ECE1: variants seen among roughly 807,000 people sequenced by gnomAD.
ECE1 encodes the protein endothelin converting enzyme 1.
Under a neutral mutation model 98.6 loss-of-function variants are expected in ECE1, and 35 were observed. That is an observed-to-expected ratio of 0.35 (90% confidence interval 0.27 to 0.47). ECE1 has a LOEUF of 0.47. Ranked by LOEUF, ECE1 falls within the 20% of genes least tolerant of loss-of-function variation. The pLI is 1.00. For missense variants in ECE1, 814 were observed against 1,025.3 expected (o/e 0.79, Z 2.81); for synonymous variants, 394 against 407.1 (o/e 0.97, Z 0.39).
At chr1:21,316,078 G>C (rs1638826703) in intron 1 of ECE1, among the ~76,000 whole-genome samples, 1 of 152,164 alleles carries the variant, frequency 6.6e-6, no homozygotes, top group Non-Finnish European at 1.5e-5. Context: ...CTCTTGTCTA[G>C]GGAACAGATT....
chr1:21,257,452 C>G (rs2098221252), intron 7 of ECE1, 73 bp downstream of exon 7: 2 of 1,544,870 alleles, frequency 1.3e-6, no homozygotes, highest in Non-Finnish European at 1.8e-6. Context: ...AAGACCTGCA[C>G]AGGTGTGGGT....
chr1:21,328,764 G>GA (rs35883969), intron 1 of ECE1, among the ~76,000 whole-genome samples: 2,964 of 49,756 alleles, frequency 0.06, 179 homozygotes, highest in African/African-American at 0.12. Context: ...CCTCCATCTC[G>GA]AAAAAAAAAA....
chr1:21,315,816 G>A (rs1387087808), intron 1 of ECE1, among the ~76,000 whole-genome samples: 5 of 149,310 alleles, frequency 3.3e-5, no homozygotes, highest in African/African-American at 1.2e-4. Flanking sequence ...AAAAAAAGCT[G>A]GCCCTATTTT....
At chr1:21,247,561 C>T (rs990350244) in intron 8 of ECE1, among the ~76,000 whole-genome samples, 198 bp from the exon 9 acceptor site, 2 of 152,172 alleles carry the variant, frequency 1.3e-5, no homozygotes, top group African/African-American at 4.8e-5. Flanking sequence ...GAGTCCAACA[C>T]CAAAATTTAA....
intron 2 of ECE1, among the ~76,000 whole-genome samples, chr1:21,283,141 C>T (rs1384778105): frequency 6.6e-6 from 1 of 151,994 alleles, no homozygotes; most frequent in East Asian, 1.9e-4. Flanking sequence ...TGGGGTTTCA[C>T]CGTGTTAGCC....
At position 21,287,877 on chromosome 1, in the gene ECE1, T is replaced by C. The variant is rs28367926; in HGVS notation, c.138+2193A>G. Among the ~76,000 whole-genome samples the C allele has an allele frequency of 8.1e-3, 1,226 of 152,268 alleles. 4 individuals carry two copies. Among genetic ancestry groups the C allele is most frequent in the Middle Eastern group, 0.017 (5 of 294 alleles). Reference sequence around the variant, plus strand: ...AAACCGTTATCTCCAAGTGGCAGGATTACTGCTCCGTTTTTAATTCCTTTT... The same window carrying C: ...AAACCGTTATCTCCAAGTGGCAGGACTACTGCTCCGTTTTTAATTCCTTTT... On this transcript the variant is annotated intron_variant, in intron 2 of 18. Coordinates refer to ENST00000374893, the MANE Select transcript of ECE1 (RefSeq NM_001397.3).
intron 10 of ECE1, among the ~76,000 whole-genome samples, chr1:21,238,805 G>T (rs1558377260): frequency 1.3e-5 from 2 of 151,994 alleles, no homozygotes. Context: ...CAACACCGCA[G>T]GACTTTTTTC....
intron 7 of ECE1, among the ~76,000 whole-genome samples, chr1:21,257,113 CA>C (rs2098220860): frequency 6.6e-6 from 1 of 152,146 alleles, no homozygotes; most frequent in South Asian, 2.1e-4. Context: ...TGACCTTGAG[CA>C]GATCACTTAG....
intron 1 of ECE1, among the ~76,000 whole-genome samples, chr1:21,323,811 TTTTC>T (rs1276735378): frequency 7.1e-6 from 1 of 141,792 alleles, no homozygotes; most frequent in African/African-American, 2.7e-5. Flanking sequence ...ATGGGGGCAA[TTTTC>T]TTTCTTTTTT....
intron 17 of ECE1, among the ~76,000 whole-genome samples, chr1:21,222,575 T>C (rs1250753819): frequency 6.6e-6 from 1 of 152,132 alleles, no homozygotes; most frequent in East Asian, 1.9e-4. Context: ...GTGCGATGAC[T>C]GACACCTGTA....
intron 8 of ECE1, among the ~76,000 whole-genome samples, chr1:21,247,731 A>G (rs1329831176): frequency 6.6e-6 from 1 of 152,176 alleles, no homozygotes; most frequent in East Asian, 1.9e-4. Context: ...TCCCTGCTTC[A>G]TGGATGAGGA....
chr1:21,243,316 G>A lies in ECE1; in HGVS notation c.1278+1673C>T, dbSNP rs916692015. On this transcript the variant is annotated intron_variant, in intron 10 of 18. Transcript: ENST00000374893. Reference sequence around the variant, plus strand: ...ATTATGTAAGTGAGTAGCTGAAAGTGCCTCAAAGTTGTAAATATCAGATCT... The same window carrying A: ...ATTATGTAAGTGAGTAGCTGAAAGTACCTCAAAGTTGTAAATATCAGATCT... Among the ~76,000 whole-genome samples, 12 of 151,992 alleles carry A rather than the reference G, an allele frequency of 7.9e-5. No homozygotes were observed. The South Asian group carries it at 8.3e-4, about 11-fold the overall frequency.
At position 21,258,613 on chromosome 1, in the gene ECE1, C is replaced by A; in HGVS notation, c.762+80G>T. 6.4e-7 allele frequency: 1 copy of A among 1,553,930 alleles called. No homozygotes were observed. The highest frequency in any genetic ancestry group is 8.8e-7 in the Non-Finnish European group (1 of 1,136,426). ...GTCCCACCCAGGGCAAGCCCCTCTC[C>A]CACCCCAGGTCCTGCTAAACTCAAA... On this transcript the variant is annotated intron_variant, in intron 6 of 18. Transcript: ENST00000374893. This position sits in a 1 kb window ranked among gnomAD's most constrained non-coding sequence, Gnocchi z 4.2.
At chr1:21,332,238 C>T (rs1484089266) in intron 1 of ECE1, among the ~76,000 whole-genome samples, 1 of 152,058 alleles carries the variant, frequency 6.6e-6, no homozygotes, top group Non-Finnish European at 1.5e-5. Context: ...ATAGTACAAA[C>T]CCCTAGAGAG....
Position 21,225,270 on chromosome 1 carries a change from C to T in ECE1, c.2020G>A (p.Gly674Ser). 6.2e-7 allele frequency: 1 copy of T among 1,614,166 alleles called. No homozygotes were observed. Among genetic ancestry groups the T allele is most frequent in the Non-Finnish European group, 8.5e-7 (1 of 1,180,024 alleles). Residue 674 changes from glycine (G) to serine (S), a missense_variant, in exon 17 of 19, where the codon GGT (glycine) becomes AGT (serine). Coordinates refer to ENST00000374893, the MANE Select transcript of ECE1 (RefSeq NM_001397.3). This position sits in a 1 kb window ranked among gnomAD's most constrained non-coding sequence, Gnocchi z 5.3. ...CTCACCCGATAGGCCGCCTTGAGAC[C>T]CCCGTTGTCGGCGATGTTCTCCCCC... ...TLGENIADNG[G>S]LKAAYRAYQN... is the part of the protein sequence containing the mutation.
intron 8 of ECE1, among the ~76,000 whole-genome samples, chr1:21,249,664 A>G (rs1223048830): frequency 1.3e-5 from 2 of 152,234 alleles, no homozygotes; most frequent in Admixed American, 1.3e-4. Flanking sequence ...CCTGGTTGAC[A>G]GAGTGAAACC....
At chr1:21,316,911 G>A (rs980066975) in intron 1 of ECE1, among the ~76,000 whole-genome samples, 1 of 152,164 alleles carries the variant, frequency 6.6e-6, no homozygotes, top group Non-Finnish European at 1.5e-5. Flanking sequence ...GAATCAGGCT[G>A]CGCTTGGTGG....
intron 1 of ECE1, among the ~76,000 whole-genome samples, chr1:21,328,075 C>T (rs67995417): frequency 0.072 from 10,944 of 152,268 alleles, 537 homozygotes; most frequent in Middle Eastern, 0.11. Flanking sequence ...TTGTCTTCCA[C>T]GAAGCCTGGC....
chr1:21,220,260 C>T lies in ECE1; in HGVS notation c.2137-129G>A, dbSNP rs2098165714. The T allele has an allele frequency of 9.3e-7, 1 of 1,077,502 alleles. No individual in the cohort carries two copies. The highest frequency in any genetic ancestry group is 2.6e-5 in the East Asian group (1 of 38,406). The allele number at this position is 1,077,502 out of a possible 1,614,324, so 66.7% of individuals were successfully genotyped here. On this transcript the variant is annotated intron_variant, in intron 18 of 18. Coordinates refer to ENST00000374893, the MANE Select transcript of ECE1 (RefSeq NM_001397.3). This position sits in a 1 kb window ranked among gnomAD's most constrained non-coding sequence, Gnocchi z 5.0. Reference sequence around the variant, plus strand: ...CCTGTAATCCCAGCACTTTGGGAGCCAAGGTGGAAGGGCTGCTTGAGCCCA... The same window carrying T: ...CCTGTAATCCCAGCACTTTGGGAGCTAAGGTGGAAGGGCTGCTTGAGCCCA...
Sources: gnomAD v4.1 joint callset for allele counts (sites outside exome capture counted in the v4.1 genomes callset) on GRCh38, gnomAD v4.1.1 for gene constraint, Gnocchi (gnomAD v3.1) non-coding constraint, MANE v1.5 for transcripts, NCBI Gene and HGNC (gene_info 2026-07-23, HGNC 2026-07-21) for gene names.